PLXNA2: variants seen among roughly 807,000 people sequenced by gnomAD.
The protein encoded by PLXNA2 is plexin A2, also known as plexin-A2.
A neutral mutation model predicts 193.5 loss-of-function variants in PLXNA2; 91 were observed. The ratio of observed to expected loss-of-function variants is 0.47; its 90% confidence interval spans 0.40 to 0.56. The LOEUF (loss-of-function observed/expected upper bound fraction) is 0.56, where lower values mean the gene tolerates loss of function less well. Among genes scored for constraint, PLXNA2 ranks in the 20% least tolerant of loss-of-function variants. The pLI, the probability that PLXNA2 is intolerant of heterozygous loss-of-function variation, is 0.00. For synonymous variants in PLXNA2, 997 were observed against 1,027.3 expected (o/e 0.97, Z 0.56); for missense variants, 1,995 against 2,503.2 (o/e 0.80, Z 4.33).
Position 208,045,102 on chromosome 1 carries a change from C to G in PLXNA2, c.3604G>C (p.Glu1202Gln). The stretch of plus-strand genomic sequence containing the variant: ...TGCTGCCCGGTGAGGTTGGGAGGCT[C>G]GCAGAGAAGCTGGGTCTCAGATACG... ...VTVSETQLLC[E>Q]PPNLTGQHKV... is the part of the protein sequence containing the mutation. Residue 1202 changes from glutamate to glutamine, a missense_variant, in exon 19 of 32, where the codon GAG (glutamate) becomes CAG (glutamine). Around this residue, in one of 3 missense-constraint regions of PLXNA2, gnomAD observed 1,291 missense variants for 1,673.6 expected, o/e 0.77. Transcript: ENST00000367033. The G allele has an allele frequency of 3.1e-6, 5 of 1,614,042 alleles. No homozygotes were observed. The highest frequency in any genetic ancestry group is 2.5e-6 in the Non-Finnish European group (3 of 1,180,020).
rs1488386995 is a variant in PLXNA2 at position 208,046,028 on chromosome 1, G to C, written c.3345C>G (p.Arg1115=). 6.2e-7 allele frequency: 1 copy of C among 1,614,124 alleles called. No individual in the cohort carries two copies. Among genetic ancestry groups the C allele is most frequent in the South Asian group, 1.1e-5 (1 of 91,094 alleles). ...TAAAGACAAATCCAAACTCATCTGGGCGTTCCACAGTGTCCAGGCCAGGGC... is the reference window on the plus strand; with the variant it reads ...TAAAGACAAATCCAAACTCATCTGGCCGTTCCACAGTGTCCAGGCCAGGGC... The part of the protein sequence containing the change: ...DYRPGLDTVE[R]PDEFGFVFNN... Residue 1115 remains arginine, a synonymous_variant, in exon 18 of 32, where the codon CGC becomes CGG. Coordinates refer to ENST00000367033, the MANE Select transcript of PLXNA2 (RefSeq NM_025179.4).
At chr1:208,051,521 C>G (rs1324728773) in intron 15 of PLXNA2, 98 bp from the exon 16 acceptor site, 2 of 889,830 alleles carry the variant, frequency 2.2e-6, no homozygotes, top group Non-Finnish European at 3.5e-6. Flanking sequence ...GCGGGTAAGG[C>G]CACAGAAGTG....
At chr1:208,211,389 T>G (rs1175998242) in intron 2 of PLXNA2, among the ~76,000 whole-genome samples, 3 of 152,076 alleles carry the variant, frequency 2.0e-5, no homozygotes, top group Middle Eastern at 3.4e-3. Context: ...AAGATCACCT[T>G]GAGCAAGTGA....
chr1:208,184,240 A>C (rs1669931054), intron 3 of PLXNA2, among the ~76,000 whole-genome samples: 1 of 152,058 alleles, frequency 6.6e-6, no homozygotes, highest in Non-Finnish European at 1.5e-5. Context: ...GACGGGTAAG[A>C]ATGTTTATTC....
intron 1 of PLXNA2, among the ~76,000 whole-genome samples, chr1:208,225,649 A>G (rs1242774299): frequency 2.0e-5 from 3 of 152,182 alleles, no homozygotes; most frequent in African/African-American, 7.2e-5. Flanking sequence ...TCAGGTTAAG[A>G]TGAGGTCACT....
chr1:208,220,392 G>T, intron 1 of PLXNA2, among the ~76,000 whole-genome samples: 1 of 152,064 alleles, frequency 6.6e-6, no homozygotes, highest in Non-Finnish European at 1.5e-5. Context: ...TCTTAGCATG[G>T]TTGCAGGCAC....
rs986371696 is a variant in PLXNA2, at chr1:208,244,264, G to C, written c.-702C>G. ...TCCGCCGCCCTCCCGCTCCAGTCTG[G>C]CGCGGATGCCGCTCCTCCCGGCAGC... On this transcript the variant is annotated 5_prime_UTR_variant, in exon 1 of 32. Transcript: ENST00000367033. 5.1e-6 allele frequency: 1 copy of C among 195,198 alleles called. No homozygotes were observed. The highest frequency in any genetic ancestry group is 1.0e-5 in the Non-Finnish European group (1 of 98,752). 12.1% of individuals were successfully genotyped at this position (195,198 alleles called of 1,614,324 possible).
intron 4 of PLXNA2, among the ~76,000 whole-genome samples, chr1:208,136,744 A>T (rs1668313260): frequency 6.6e-6 from 1 of 152,204 alleles, no homozygotes; most frequent in African/African-American, 2.4e-5. Flanking sequence ...GCTTGGGAGT[A>T]AGCAGGAGGA....
In PLXNA2 at chr1:208,142,335, C is replaced by T; in HGVS notation, c.1500G>A (p.Glu500=). ...IDQRYLYVMS[E]RQVTRVPVES... Reference sequence around the variant, plus strand: ...GATGGATGTTAGCACTTACCTGTCTCTCAGACATGACGTACAGGTAGCGCT... The same window carrying T: ...GATGGATGTTAGCACTTACCTGTCTTTCAGACATGACGTACAGGTAGCGCT... Residue 500 remains glutamate (E), a synonymous_variant, in exon 4 of 32, where the codon GAG becomes GAA. Transcript: ENST00000367033. The T allele has an allele frequency of 6.3e-7, 1 of 1,597,298 alleles. No individual in the cohort carries two copies. Among genetic ancestry groups the T allele is most frequent in the African/African-American group, 1.3e-5 (1 of 74,152 alleles).
chr1:208,031,008 A>T, intron 29 of PLXNA2: 1 of 987,854 alleles, frequency 1.0e-6, no homozygotes, highest in Non-Finnish European at 1.2e-6. Flanking sequence ...TGCTTCCTGA[A>T]AGCTATGGCG....
At chr1:208,065,593 G>T (rs1478057912) in intron 12 of PLXNA2, among the ~76,000 whole-genome samples, 1 of 152,220 alleles carries the variant, frequency 6.6e-6, no homozygotes, top group African/African-American at 2.4e-5. Context: ...AATTGGCAGG[G>T]TTAGAGATGA....
chr1:208,119,485 G>A (rs1171742964), intron 4 of PLXNA2, among the ~76,000 whole-genome samples: 1 of 152,230 alleles, frequency 6.6e-6, no homozygotes, highest in African/African-American at 2.4e-5. Flanking sequence ...TTCACTAAGT[G>A]ATACGGAAAG....
At chr1:208,232,391 C>T (rs1017938829) in intron 1 of PLXNA2, among the ~76,000 whole-genome samples, 1 of 152,254 alleles carries the variant, frequency 6.6e-6, no homozygotes, top group African/African-American at 2.4e-5. Context: ...CTCCTCCCAG[C>T]TCTCAGCCCT....
chr1:208,206,223 T>C (rs892026110), intron 3 of PLXNA2, among the ~76,000 whole-genome samples: 4 of 152,262 alleles, frequency 2.6e-5, no homozygotes, highest in African/African-American at 9.6e-5. Flanking sequence ...CTTGTTTATC[T>C]GGCACTTGAG....
chr1:208,030,590 C>G lies in PLXNA2; in HGVS notation c.5225+1000G>C, dbSNP rs3828020. 2.9e-3 allele frequency: 2,888 copies of G among 985,372 alleles called. 142 individuals carry two copies. In the East Asian group the frequency reaches 0.1, roughly 36 times the overall value. The allele number at this position is 985,372 out of a possible 1,614,324, so 61.0% of individuals were successfully genotyped here. ...AGGAAGGCTCAGCGACCACAAGACCCGGGAGGAGGAAGGAAGAGATGGGGC... is the reference window on the plus strand; with the variant it reads ...AGGAAGGCTCAGCGACCACAAGACCGGGGAGGAGGAAGGAAGAGATGGGGC... On this transcript the variant is annotated intron_variant, in intron 29 of 31. Coordinates refer to ENST00000367033, the MANE Select transcript of PLXNA2 (RefSeq NM_025179.4).
Position 208,210,472 on chromosome 1 carries a change from A to G in PLXNA2, c.1189-10T>C. Reference sequence around the variant, plus strand: ...CATCGATGGGGACAGGCTGGAGGGAAGCGGAAGGAATTGGGGTGAGTAACA... The same window carrying G: ...CATCGATGGGGACAGGCTGGAGGGAGGCGGAAGGAATTGGGGTGAGTAACA... On this transcript the variant is annotated splice_polypyrimidine_tract_variant and intron_variant, in intron 2 of 31. Transcript: ENST00000367033. 2 of 1,605,858 alleles carry G rather than the reference A, an allele frequency of 1.2e-6. No homozygotes were observed. Among genetic ancestry groups the G allele is most frequent in the South Asian group, 1.1e-5 (1 of 90,298 alleles).
At chr1:208,055,409 G>C (rs149519282) in intron 13 of PLXNA2, among the ~76,000 whole-genome samples, 1 of 152,178 alleles carries the variant, frequency 6.6e-6, no homozygotes, top group South Asian at 2.1e-4. Flanking sequence ...GGGCAGCTGA[G>C]GATGGGGAGA....
chr1:208,163,860 C>A (rs1404686186), intron 3 of PLXNA2, among the ~76,000 whole-genome samples: 1 of 152,212 alleles, frequency 6.6e-6, no homozygotes, highest in Non-Finnish European at 1.5e-5. Flanking sequence ...AGTCGATGCT[C>A]CATAAATTCT....
chr1:208,160,055 C>A (rs1005024902), intron 3 of PLXNA2, among the ~76,000 whole-genome samples: 9 of 152,188 alleles, frequency 5.9e-5, no homozygotes. Flanking sequence ...CTGGTCTCGG[C>A]AGCTCCCTCA....
Sources: allele counts gnomAD v4.1 joint callset (sites outside exome capture counted in the v4.1 genomes callset), GRCh38; gene constraint gnomAD v4.1.1; regional missense constraint gnomAD v4.1.1; transcripts MANE v1.5; gene names NCBI Gene and HGNC (gene_info 2026-07-23, HGNC 2026-07-21).